The following TFDP1 variants were observed in gnomAD, a reference collection of about 807,000 sequenced individuals.
The protein encoded by TFDP1 is DRTF1-polypeptide 1.
In TFDP1, 6 loss-of-function variants were observed where a neutral mutation model predicts 48.0. The ratio of observed to expected loss-of-function variants is 0.13; its 90% CI spans 0.07 to 0.25. The LOEUF is 0.25. Among genes scored for constraint, TFDP1 ranks in the 10% least tolerant of loss-of-function variants. The pLI is 1.00. For missense variants in TFDP1, 335 were observed against 543.0 expected (o/e 0.62, Z 3.81); for synonymous variants, 201 against 211.6 (o/e 0.95, Z 0.44).
In TFDP1 at chr13:113,641,192, T is replaced by G. The variant is rs1257552007; in HGVS notation, c.*925T>G. Reference sequence around the variant, plus strand: ...AAATATAGAGAATGTTTTAACAATTTTTTAACTCAAAATTTGTCAATCATT... The same window carrying G: ...AAATATAGAGAATGTTTTAACAATTGTTTAACTCAAAATTTGTCAATCATT... On this transcript the variant is annotated 3_prime_UTR_variant, in exon 12 of 12. Transcript: ENST00000375370. 1 of 152,662 alleles carries G rather than the reference T, an allele frequency of 6.6e-6. No homozygotes were observed. Among genetic ancestry groups the G allele is most frequent in the African/African-American group, 2.4e-5 (1 of 41,470 alleles). 9.5% of individuals were successfully genotyped at this position (152,662 alleles called of 1,614,324 possible).
intron 3 of TFDP1, among the ~76,000 whole-genome samples, chr13:113,622,806 A>G (rs756208238): frequency 2.0e-5 from 3 of 152,252 alleles, no homozygotes; most frequent in Non-Finnish European, 2.9e-5. Context: ...TTGCAGCCTT[A>G]TAGAGAAATG....
intron 2 of TFDP1, among the ~76,000 whole-genome samples, chr13:113,590,776 C>T (rs1026309352): frequency 2.6e-5 from 4 of 151,544 alleles, no homozygotes; most frequent in East Asian, 1.9e-4. Context: ...TTTGGGAGGC[C>T]GAGGCAGGTG....
chr13:113,585,499 A>G (rs965958943), intron 1 of TFDP1: 2 of 219,360 alleles, frequency 9.1e-6, no homozygotes, highest in South Asian at 1.7e-4. Context: ...GCTCGGCCCC[A>G]CCCTCGGCCG....
intron 2 of TFDP1, among the ~76,000 whole-genome samples, chr13:113,608,414 C>G (rs558764989): frequency 1.3e-5 from 2 of 152,344 alleles, no homozygotes; most frequent in Admixed American, 6.5e-5. Flanking sequence ...GGGAACTGGG[C>G]AGAGCCCTGG....
At chr13:113,593,960 AC>A (rs2048217242) in intron 2 of TFDP1, among the ~76,000 whole-genome samples, 3 of 121,208 alleles carry the variant, frequency 2.5e-5, no homozygotes, top group Admixed American at 8.6e-5. Context: ...GTGGGTCCTC[AC>A]CCTGCCCAGG....
chr13:113,594,934 G>T lies in TFDP1; in HGVS notation c.12+9085G>T, dbSNP rs116908747. Reference sequence around the variant, plus strand: ...TTCATATGTGAGCTGAATTGTTAGGGTTTCATAGCATATGCCTGTTGGATT... The same window carrying T: ...TTCATATGTGAGCTGAATTGTTAGGTTTTCATAGCATATGCCTGTTGGATT... On this transcript the variant is annotated intron_variant, in intron 2 of 11. Transcript: ENST00000375370. Among the ~76,000 whole-genome samples the T allele has an allele frequency of 1.5e-3, 227 of 152,344 alleles. 3 individuals are homozygous for T. In the East Asian group the frequency reaches 0.037, roughly 25 times the overall value.
intron 2 of TFDP1, among the ~76,000 whole-genome samples, chr13:113,605,584 G>A (rs572515605): frequency 6.6e-6 from 1 of 152,214 alleles, no homozygotes; most frequent in Admixed American, 6.5e-5. Context: ...AGGCCTCAAG[G>A]CCAGGGTCTG....
chr13:113,631,849 C>T (rs1385887613), intron 5 of TFDP1, 105 bp downstream of exon 5: 3 of 1,450,978 alleles, frequency 2.1e-6, no homozygotes, highest in Non-Finnish European at 2.8e-6. Context: ...ATGGGGCTCC[C>T]ACGCGCGTTG....
rs754547083 is a variant in TFDP1 at position 113,633,961 on chromosome 13, C to T, written c.546C>T (p.Ile182=). Residue 182 remains isoleucine (I), a synonymous_variant, in exon 7 of 12, where the codon ATC becomes ATT. Coordinates refer to ENST00000375370, the MANE Select transcript of TFDP1 (RefSeq NM_007111.5). This position sits in a 1 kb window ranked among gnomAD's most constrained non-coding sequence, Gnocchi z 4.5. The stretch of plus-strand genomic sequence containing the variant: ...ACGTGCTAATGGCCATGAACATCAT[C>T]TCCAAGGAGAAGAAGGAGATCAAGT... The part of the protein sequence containing the change: ...ALNVLMAMNI[I]SKEKKEIKWI... 29 of 1,614,114 alleles carry T rather than the reference C, an allele frequency of 1.8e-5. No individual in the cohort carries two copies. In the African/African-American group the frequency reaches 3.1e-4, roughly 17 times the overall value.
intron 3 of TFDP1, among the ~76,000 whole-genome samples, chr13:113,620,275 A>G (rs1837488698): frequency 6.6e-6 from 1 of 152,196 alleles, no homozygotes; most frequent in South Asian, 2.1e-4. Context: ...CTGATGGGGC[A>G]GGAAAGGGGA....
chr13:113,618,628 A>G (rs2048920232), intron 3 of TFDP1, among the ~76,000 whole-genome samples: 1 of 152,216 alleles, frequency 6.6e-6, no homozygotes. Flanking sequence ...CTGGCCTGGA[A>G]TGACCACTTG....
chr13:113,624,505 C>A (rs979015049), intron 4 of TFDP1, among the ~76,000 whole-genome samples: 3 of 149,456 alleles, frequency 2.0e-5, no homozygotes, highest in Non-Finnish European at 4.4e-5. Context: ...AGGTGTCTCT[C>A]AGGGTGTCTC....
At chr13:113,605,156 G>A (rs1035927946) in intron 2 of TFDP1, among the ~76,000 whole-genome samples, 5 of 151,878 alleles carry the variant, frequency 3.3e-5, no homozygotes, top group Admixed American at 1.3e-4. Context: ...GCGGGGGGGC[G>A]TCATAACATT....
intron 3 of TFDP1, among the ~76,000 whole-genome samples, chr13:113,613,805 G>A (rs1447839154): frequency 6.6e-6 from 1 of 151,114 alleles, no homozygotes; most frequent in East Asian, 2.0e-4. Flanking sequence ...CGTGTGGAGT[G>A]TCTGTGCGTG....
intron 1 of TFDP1, chr13:113,585,494 GC>G: frequency 4.6e-6 from 1 of 215,494 alleles, no homozygotes; most frequent in Non-Finnish European, 9.3e-6. Context: ...CTGGGGCTCG[GC>G]CCCACCCTCG....
At chr13:113,602,047 G>A (rs924916422) in intron 2 of TFDP1, among the ~76,000 whole-genome samples, 2 of 151,692 alleles carry the variant, frequency 1.3e-5, no homozygotes, top group African/African-American at 4.8e-5. Flanking sequence ...AGTTCAGGGA[G>A]GAGTGGATGG....
At chr13:113,603,865 C>T (rs559902969) in intron 2 of TFDP1, among the ~76,000 whole-genome samples, 1 of 152,224 alleles carries the variant, frequency 6.6e-6, no homozygotes, top group African/African-American at 2.4e-5. Context: ...AAGTCCAGTG[C>T]ACATGTCTTA....
chr13:113,615,394 C>T (rs149601596), intron 3 of TFDP1, among the ~76,000 whole-genome samples: 3 of 152,328 alleles, frequency 2.0e-5, no homozygotes, highest in Non-Finnish European at 4.4e-5. Context: ...CCTGGTCCAC[C>T]CTGCCCCTGT....
chr13:113,589,738 G>T (rs76965920), intron 2 of TFDP1, among the ~76,000 whole-genome samples: 2,191 of 152,334 alleles, frequency 0.014, 35 homozygotes, highest in Middle Eastern at 0.027. Context: ...CCCTTGTCAC[G>T]AGTCAGTCCA....
Sources: allele counts gnomAD v4.1 joint callset (sites outside exome capture counted in the v4.1 genomes callset), GRCh38; gene constraint gnomAD v4.1.1; non-coding constraint Gnocchi (gnomAD v3.1); transcripts MANE v1.5; gene names NCBI Gene and HGNC (gene_info 2026-07-23, HGNC 2026-07-21).